KANTR: variants seen among roughly 807,000 people sequenced by gnomAD.
KANTR encodes KANTR integral membrane protein.
At chrX:53,107,511 A>C (rs782318405) in intron 2 of KANTR, among the ~76,000 whole-genome samples, 89 of 107,404 alleles carry the variant, frequency 8.3e-4, no homozygotes, top group African/African-American at 2.9e-3. Flanking sequence ...TCTATATATC[A>C]ACTTGGGGAG....
At chrX:53,097,905 G>T (rs781961629) in intron 1 of KANTR, among the ~76,000 whole-genome samples, 2 of 106,135 alleles carry the variant, frequency 1.9e-5, no homozygotes, top group East Asian at 6.1e-4. Flanking sequence ...ACAAAAATTA[G>T]CTGGGTGTGG....
rs781872915 is a variant in KANTR, at chrX:53,102,280, TTTCACTAGTGCCACTTTTCTTTTCAAGGA to T, written c.-805+2677_-805+2705del. On this transcript the variant is annotated intron_variant, in intron 2 of 2. Coordinates refer to ENST00000604062, the Ensembl canonical transcript of KANTR. Reference sequence around the variant, plus strand: ...AGGGTTTATTTAGATTACATCAGTTTTTCACTAGTGCCACTTTTCTTTTCAAGGATTCAGTTCAGGCTCCCACATTACAT... The same window carrying T: ...AGGGTTTATTTAGATTACATCAGTTTTTCAGTTCAGGCTCCCACATTACAT... Among the ~76,000 whole-genome samples, 1,090 of 112,120 alleles carry T rather than the reference TTTCACTAGTGCCACTTTTCTTTTCAAGGA, an allele frequency of 9.7e-3. 12 individuals are homozygous for T. Among genetic ancestry groups the T allele is most frequent in the African/African-American group, 0.034 (1,043 of 30,888 alleles).
At chrX:53,096,541 C>T (rs1409775217) in intron 1 of KANTR, among the ~76,000 whole-genome samples, 6 of 112,400 alleles carry the variant, frequency 5.3e-5, no homozygotes, top group Admixed American at 3.8e-4. Flanking sequence ...GCCCCCCAAA[C>T]AGGGCCGGGT....
intron 2 of KANTR, among the ~76,000 whole-genome samples, chrX:53,134,362 CA>C (rs1273250666): frequency 1.3e-3 from 122 of 91,933 alleles, no homozygotes; most frequent in East Asian, 1.7e-3. Flanking sequence ...AACTCTGTCT[CA>C]AAAAAAAAAA....
downstream of KANTR, among the ~76,000 whole-genome samples, chrX:53,145,290 G>A (rs183702755): frequency 1.4e-3 from 153 of 111,756 alleles, no homozygotes; most frequent in Non-Finnish European, 1.6e-3. Context: ...CTGGAAAATC[G>A]GGTCACTCCC....
chrX:53,105,348 G>T (rs929294323), intron 2 of KANTR, among the ~76,000 whole-genome samples: 8 of 111,881 alleles, frequency 7.2e-5, no homozygotes, highest in Non-Finnish European at 1.5e-4. Context: ...GTGTCTCATT[G>T]TAGTTTTGAT....
rs1425053951 is a variant in KANTR, at chrX:53,124,441, CTT to C, written c.170_171del (p.Leu57HisfsTer4). ...GTTTTCTATTTCTTTAATTTCTGCT[CTT>C]ATCTTTTTTGATCTCCTTCCTTCCA... On this transcript the variant is annotated frameshift_variant, in exon 3 of 3. Transcript: ENST00000604062. LOFTEE classifies it high-confidence loss of function. The C allele has an allele frequency of 1.7e-5, 5 of 294,695 alleles. No individual in the cohort carries two copies. Among genetic ancestry groups the C allele is most frequent in the African/African-American group, 1.4e-4 (5 of 36,209 alleles). 24.3% of individuals were successfully genotyped at this position (294,695 alleles called of 1,213,427 possible). A position where few individuals can be genotyped will look rare whatever the true frequency, so the allele number is the denominator to read the frequency against.
downstream of KANTR, among the ~76,000 whole-genome samples, chrX:53,131,467 A>G (rs1403543922): frequency 2.7e-5 from 3 of 112,466 alleles, no homozygotes; most frequent in Non-Finnish European, 3.8e-5. Context: ...TGGCATTAGA[A>G]AATCAATCAT....
chrX:53,145,059 T>C (rs1933555115), downstream of KANTR, among the ~76,000 whole-genome samples: 2 of 111,680 alleles, frequency 1.8e-5, no homozygotes, highest in South Asian at 7.5e-4. Context: ...AGCTCCAGTC[T>C]GCAGCTCCCA....
At chrX:53,137,724 G>A (rs189363816) in intron 2 of KANTR, among the ~76,000 whole-genome samples, 9,780 of 107,839 alleles carry the variant, frequency 0.091, 1,198 homozygotes, top group African/African-American at 0.32. Context: ...AGCTGAGATC[G>A]TGCCATTGCA....
At chrX:53,142,977 G>A, downstream of KANTR, 1 of 1,006,262 alleles carries the variant, frequency 9.9e-7, no homozygotes, top group Non-Finnish European at 1.4e-6. Flanking sequence ...TCATGGTGCT[G>A]GATGCCAGCG....
At chrX:53,144,553 G>A (rs934088884), downstream of KANTR, among the ~76,000 whole-genome samples, 20 of 110,519 alleles carry the variant, frequency 1.8e-4, no homozygotes, top group Admixed American at 7.7e-4. Flanking sequence ...AAAATTAGCC[G>A]GGCATGGTGG....
chrX:53,117,611 T>G (rs1457127749), intron 2 of KANTR, among the ~76,000 whole-genome samples: 1,001 of 19,295 alleles, frequency 0.052, 9 homozygotes, highest in Non-Finnish European at 0.081. Context: ...GTGTGTGTGT[T>G]TTTTTTTTTT....
At chrX:53,127,747 C>G (rs1426676194), downstream of KANTR, among the ~76,000 whole-genome samples, 1 of 111,439 alleles carries the variant, frequency 9.0e-6, no homozygotes, top group Non-Finnish European at 1.9e-5. Context: ...TGCCTGTTAC[C>G]TGGTGAAAAA....
At chrX:53,134,838 T>C (rs1276922094) in intron 2 of KANTR, among the ~76,000 whole-genome samples, 1 of 111,731 alleles carries the variant, frequency 9.0e-6, no homozygotes, top group Non-Finnish European at 1.9e-5. Flanking sequence ...TTCCTCCACC[T>C]GCACCTGAGA....
intron 2 of KANTR, among the ~76,000 whole-genome samples, chrX:53,107,337 C>T (rs1181070667): frequency 1.9e-5 from 1 of 52,887 alleles, no homozygotes; most frequent in East Asian, 7.1e-4. Context: ...GAGACAGGGT[C>T]TTGCTTTGTA....
intron 2 of KANTR, among the ~76,000 whole-genome samples, chrX:53,099,884 G>A (rs1454220328): frequency 8.9e-6 from 1 of 112,072 alleles, no homozygotes; most frequent in African/African-American, 3.2e-5. Flanking sequence ...TATCTGAGTA[G>A]CAGGTCTCAA....
chrX:53,137,461 G>A (rs1425739844), intron 2 of KANTR, among the ~76,000 whole-genome samples: 2 of 111,912 alleles, frequency 1.8e-5, no homozygotes, highest in Admixed American at 1.9e-4. Context: ...AGTGGCTCAC[G>A]CCTGTAATCC....
At chrX:53,096,625 A>G (rs1345496973) in intron 1 of KANTR, among the ~76,000 whole-genome samples, 1 of 111,263 alleles carries the variant, frequency 9.0e-6, no homozygotes, top group Non-Finnish European at 1.9e-5. Context: ...CAGGAGTTCG[A>G]GACCAGCCTG....
Sources: gnomAD v4.1 joint callset for allele counts (sites outside exome capture counted in the v4.1 genomes callset) on GRCh38, gnomAD v4.1.1 for gene constraint, MANE v1.5 for transcripts, NCBI Gene and HGNC (gene_info 2026-07-23, HGNC 2026-07-21) for gene names.